Variants in HVCN1 observed in about 807,000 individuals in gnomAD.
The protein encoded by HVCN1 is voltage-gated hydrogen channel 1.
In HVCN1, 14 loss-of-function variants were observed where a neutral mutation model predicts 29.2. The observed-to-expected ratio is 0.48, with a 90% CI of 0.32 to 0.75. HVCN1 has a LOEUF of 0.75. Among genes scored for constraint, HVCN1 ranks in the 30% least tolerant of loss-of-function variants. The pLI is 0.04. For synonymous variants in HVCN1, 131 were observed against 133.2 expected (o/e 0.98, Z 0.11); for missense variants, 263 against 341.8 (o/e 0.77, Z 1.82).
chr12:110,693,225 G>T (rs2069440270), upstream of HVCN1, among the ~76,000 whole-genome samples: 1 of 151,912 alleles, frequency 6.6e-6, no homozygotes, highest in Non-Finnish European at 1.5e-5. Context: ...ATGAATGTAG[G>T]TAACAAATTA....
At chr12:110,679,658 C>T (rs929459850) in intron 3 of HVCN1, among the ~76,000 whole-genome samples, 26 of 151,986 alleles carry the variant, frequency 1.7e-4, no homozygotes, top group African/African-American at 6.0e-4. Flanking sequence ...TCGAGACCAT[C>T]CTGGCTAACA....
intron 4 of HVCN1, among the ~76,000 whole-genome samples, chr12:110,659,657 G>A (rs1346183539): frequency 1.3e-5 from 2 of 152,166 alleles, no homozygotes; most frequent in African/African-American, 4.8e-5. Flanking sequence ...GGTGGCTCAC[G>A]CCTGTAATCA....
At chr12:110,683,739 C>A (rs559962746) in intron 2 of HVCN1, among the ~76,000 whole-genome samples, 37 of 151,894 alleles carry the variant, frequency 2.4e-4, no homozygotes, top group African/African-American at 7.7e-4. Context: ...GGTGAAAACC[C>A]GTCTCTACTA....
intron 1 of HVCN1, among the ~76,000 whole-genome samples, chr12:110,704,494 T>TAA (rs796364272): frequency 7.1e-6 from 1 of 141,166 alleles, no homozygotes. Context: ...TACCAATAAT[T>TAA]AAAAAAAAAA....
intron 2 of HVCN1, among the ~76,000 whole-genome samples, chr12:110,686,738 T>C (rs2069197630): frequency 6.6e-6 from 1 of 152,114 alleles, no homozygotes; most frequent in African/African-American, 2.4e-5. Flanking sequence ...TGCAGAGAAA[T>C]GTGCACACAT....
intron 3 of HVCN1, chr12:110,682,658 A>C (rs1401917468): frequency 6.3e-6 from 1 of 157,934 alleles, no homozygotes; most frequent in Non-Finnish European, 1.4e-5. Flanking sequence ...GGTGGTAAAT[A>C]ATCTTTTCAC....
upstream of HVCN1, among the ~76,000 whole-genome samples, chr12:110,691,257 G>C (rs1436134539): frequency 6.6e-6 from 1 of 150,628 alleles, no homozygotes; most frequent in African/African-American, 2.5e-5. Context: ...TAGAGACGGG[G>C]TTTCACCGTG....
chr12:110,689,561 G>T, upstream of HVCN1: 1 of 153,956 alleles, frequency 6.5e-6, no homozygotes, highest in Non-Finnish European at 1.4e-5. The surrounding 1 kb of genome is among the most constrained non-coding windows in gnomAD (Gnocchi z 5.7). Context: ...CTGCCTCTGG[G>T]TCTCCTGATT....
rs1291679517 is a variant in HVCN1 at position 110,649,263 on chromosome 12, G to C, written c.*147C>G. On this transcript the variant is annotated 3_prime_UTR_variant, in exon 8 of 8. Coordinates refer to ENST00000242607, the MANE Select transcript of HVCN1 (RefSeq NM_032369.4). ...GGTACTGGACCTTCCACAAGGCTGT[G>C]TCCACCCAGAATCCATGCTGGCAGG... 1.4e-6 allele frequency: 1 copy of C among 695,124 alleles called. No homozygotes were observed. The highest frequency in any genetic ancestry group is 2.6e-6 in the Non-Finnish European group (1 of 381,830). The allele number at this position is 695,124 out of a possible 1,614,324, so 43.1% of individuals were successfully genotyped here.
intron 5 of HVCN1, among the ~76,000 whole-genome samples, chr12:110,653,126 T>C (rs944313531): frequency 1.3e-5 from 2 of 152,036 alleles, no homozygotes; most frequent in African/African-American, 4.8e-5. Context: ...GTCATTGTCA[T>C]GAAGGAAAAA....
chr12:110,656,579 C>G (rs1482795944), intron 4 of HVCN1, among the ~76,000 whole-genome samples: 1 of 152,126 alleles, frequency 6.6e-6, no homozygotes, highest in Non-Finnish European at 1.5e-5. Flanking sequence ...TCACCGTACC[C>G]ACCCCCCCGC....
At chr12:110,682,625 C>G (rs1566060109) in intron 3 of HVCN1, 1 of 155,980 alleles carries the variant, frequency 6.4e-6, no homozygotes, top group Non-Finnish European at 1.4e-5. Context: ...ATCAAATCTT[C>G]CCGACAATCC....
chr12:110,673,103 G>A (rs2068637893), intron 3 of HVCN1, among the ~76,000 whole-genome samples: 2 of 152,200 alleles, frequency 1.3e-5, no homozygotes, highest in Non-Finnish European at 1.5e-5. Context: ...GGAAAGCGTG[G>A]AACTTCCTAG....
chr12:110,676,892 G>A lies in HVCN1; in HGVS notation c.21+6333C>T, dbSNP rs1464452778. On this transcript the variant is annotated intron_variant, in intron 3 of 7. Coordinates refer to ENST00000242607, the MANE Select transcript of HVCN1 (RefSeq NM_032369.4). The surrounding 1 kb of genome is among the most constrained non-coding windows in gnomAD (Gnocchi z 4.1). ...TCACTGACACTGGGCATAGGGTCTCGGGAACCCTGACACACTCCCTTATTT... is the reference window on the plus strand; with the variant it reads ...TCACTGACACTGGGCATAGGGTCTCAGGAACCCTGACACACTCCCTTATTT... Among the ~76,000 whole-genome samples, 2 of 151,950 alleles carry A rather than the reference G, an allele frequency of 1.3e-5. No homozygotes were observed. The highest frequency in any genetic ancestry group is 2.9e-5 in the Non-Finnish European group (2 of 68,004).
intron 5 of HVCN1, among the ~76,000 whole-genome samples, chr12:110,654,935 C>T (rs942519145): frequency 1.5e-4 from 23 of 152,100 alleles, no homozygotes; most frequent in African/African-American, 5.6e-4. Context: ...TGCAGACCAT[C>T]AACAGAAGAC....
intron 3 of HVCN1, among the ~76,000 whole-genome samples, chr12:110,662,789 G>A (rs898412536): frequency 6.6e-6 from 1 of 151,708 alleles, no homozygotes; most frequent in Non-Finnish European, 1.5e-5. Flanking sequence ...ATGACACACT[G>A]CCCCCCCACA....
rs1372006350 is a variant in HVCN1 at position 110,661,548 on chromosome 12, G to A, written c.22-100C>T. 8 of 1,149,756 alleles carry A rather than the reference G, an allele frequency of 7.0e-6. No homozygotes were observed. Among genetic ancestry groups the A allele is most frequent in the Admixed American group, 4.7e-5 (2 of 42,778 alleles). 71.2% of individuals were successfully genotyped at this position (1,149,756 alleles called of 1,614,324 possible). ...GGCCACTGCAGGTGAAGATGGTCCC[G>A]GGTGCGTAGAACCCCCTGCAAGCAG... On this transcript the variant is annotated intron_variant, in intron 3 of 7. Transcript: ENST00000242607. This position sits in a 1 kb window ranked among gnomAD's most constrained non-coding sequence, Gnocchi z 6.2.
rs955580000 is a variant in HVCN1 at position 110,661,793 on chromosome 12, A to G, written c.22-345T>C. On this transcript the variant is annotated intron_variant, in intron 3 of 7. Coordinates refer to ENST00000242607, the MANE Select transcript of HVCN1 (RefSeq NM_032369.4). This position sits in a 1 kb window ranked among gnomAD's most constrained non-coding sequence, Gnocchi z 6.2. Reference sequence around the variant, plus strand: ...GGCCCCAAGGTTCAGAGACATCACAACCTGGAAACTGGAGGGGCCAGTGGG... The same window carrying G: ...GGCCCCAAGGTTCAGAGACATCACAGCCTGGAAACTGGAGGGGCCAGTGGG... Among the ~76,000 whole-genome samples the G allele has an allele frequency of 2.6e-4, 39 of 152,056 alleles. 1 individual carries two copies. Among genetic ancestry groups the G allele is most frequent in the African/African-American group, 8.2e-4 (34 of 41,384 alleles).
intron 3 of HVCN1, among the ~76,000 whole-genome samples, chr12:110,674,133 T>G (rs926215900): frequency 4.6e-5 from 7 of 152,256 alleles, no homozygotes; most frequent in Non-Finnish European, 8.8e-5. Flanking sequence ...ACCTCTTGCA[T>G]CAGCCTGACC....
Sources: gnomAD v4.1 joint callset for allele counts (sites outside exome capture counted in the v4.1 genomes callset) on GRCh38, gnomAD v4.1.1 for gene constraint, Gnocchi (gnomAD v3.1) non-coding constraint, MANE v1.5 for transcripts, NCBI Gene and HGNC (gene_info 2026-07-23, HGNC 2026-07-21) for gene names.